FASN: variants seen among roughly 807,000 people sequenced by gnomAD.
FASN encodes fatty acid synthase.
Under a neutral mutation model 250.0 loss-of-function variants are expected in FASN, and 50 were observed. That is an observed-to-expected ratio of 0.20 (90% confidence interval 0.16 to 0.25). FASN has a LOEUF of 0.25. Among genes scored for constraint, FASN ranks in the 10% least tolerant of loss-of-function variants. The probability of loss-of-function intolerance (pLI) is 1.00; values close to 1 mark genes in which losing one functional copy is unlikely to be tolerated. For missense variants in FASN, 3,031 were observed against 3,498.5 expected, an observed-to-expected ratio of 0.87 and a Z score of 3.37; for synonymous variants, 1,909 against 1,584.0, an observed-to-expected ratio of 1.21 and a Z score of -4.87.
At chr17:82,093,116 G>C in intron 5 of FASN, 97 bp from the exon 6 acceptor site, 1 of 1,562,924 alleles carries the variant, frequency 6.4e-7, no homozygotes, top group Non-Finnish European at 8.7e-7. Flanking sequence ...GCTTGGGTGG[G>C]GGATCCCCGG....
At position 82,089,365 on chromosome 17, in the gene FASN, A is replaced by G. The variant is rs1355542542; in HGVS notation, c.1985T>C (p.Val662Ala). The change falls in exon 13 of 43, where the codon GTG becomes GCG. Residue 662 changes from valine to alanine, a missense_variant. Transcript: ENST00000306749. ...SGPQAPVFEF[V>A]EQLRKEGVFA... ...CACACCCTCCTTCCTCAGCTGCTCC[A>G]CGAACTCAAACACCGGGGCCTGGAC... The G allele has an allele frequency of 6.2e-7, 1 of 1,612,648 alleles. No individual in the cohort carries two copies. Among genetic ancestry groups the G allele is most frequent in the African/African-American group, 1.3e-5 (1 of 74,900 alleles).
In FASN at chr17:82,079,167, T is replaced by C; in HGVS notation, c.7512A>G (p.Pro2504=). ...CCTAGCCCTCCCGCACGCTCACGCG[T>C]GGCTCAGCCAGGGAGCTGTGGATGA... ...ISIIHSSLAE[P]RVSVREG Residue 2504 remains proline, a synonymous_variant, in exon 43 of 43, where the codon CCA becomes CCG. Transcript: ENST00000306749. 2 of 1,612,584 alleles carry C rather than the reference T, an allele frequency of 1.2e-6. No homozygotes were observed. Among genetic ancestry groups the C allele is most frequent in the South Asian group, 1.1e-5 (1 of 91,086 alleles).
At position 82,080,083 on chromosome 17, in the gene FASN, C is replaced by G. The variant is rs1254967440; in HGVS notation, c.7146+57G>C. 6.4e-6 allele frequency: 10 copies of G among 1,553,822 alleles called. No homozygotes were observed. The African/African-American group carries it at 6.8e-5, about 11-fold the overall frequency. ...GTCCCATCCCATCCTTCCCTTCCCC[C>G]TTCCGTTCCTGCCCAGTACTCTGGG... On this transcript the variant is annotated intron_variant, in intron 41 of 42. Transcript: ENST00000306749.
In FASN at chr17:82,091,204, G is replaced by A. The variant is rs780230434; in HGVS notation, c.1492+18C>T. ...TCCCCAGGGAAGGGACCACCTTGGG[G>A]GCAGAGTGTGGGCTCACCAGAGCAG... On this transcript the variant is annotated intron_variant, in intron 9 of 42. Coordinates refer to ENST00000306749, the MANE Select transcript of FASN (RefSeq NM_004104.5). 4.4e-6 allele frequency: 7 copies of A among 1,601,174 alleles called. No homozygotes were observed. Among genetic ancestry groups the A allele is most frequent in the South Asian group, 2.2e-5 (2 of 90,386 alleles).
chr17:82,079,240 T>C lies in FASN; in HGVS notation c.7439A>G (p.Asp2480Gly). ...GCTGCCCTCCAGCAGCGTGCGGTGG[T>C]CACCCTCGATGACGTGGACGGATAC... ...GKVSVHVIEG[D>G]HRTLLEGSGL... is the part of the protein sequence containing the mutation. The change falls in exon 43 of 43, where the codon GAC becomes GGC. Residue 2480 changes from aspartate (D) to glycine (G), a missense_variant. Asp to Gly is a moderately conservative substitution (Grantham distance 94). Transcript: ENST00000306749. 6.2e-7 allele frequency: 1 copy of C among 1,613,026 alleles called. No individual in the cohort carries two copies. The highest frequency in any genetic ancestry group is 8.5e-7 in the Non-Finnish European group (1 of 1,179,964).
chr17:82,082,852 G>A (rs953986061), intron 33 of FASN, 62 bp downstream of exon 33: 34 of 1,591,298 alleles, frequency 2.1e-5, no homozygotes, highest in Middle Eastern at 1.7e-4. Context: ...TGCAGAGAAG[G>A]GCTCAGGGGC....
intron 1 of FASN, 95 bp downstream of exon 1, chr17:82,098,026 C>CGAGAGCG: frequency 3.2e-6 from 1 of 311,848 alleles, no homozygotes; most frequent in East Asian, 5.0e-5. Context: ...ACGCGCGCCC[C>CGAGAGCG]GAGAGCGGAG....
chr17:82,095,001 G>C (rs906322596), intron 3 of FASN, among the ~76,000 whole-genome samples: 3 of 151,826 alleles, frequency 2.0e-5, no homozygotes, highest in Non-Finnish European at 4.4e-5. Context: ...GGGCCTGGAG[G>C]GCCCCTCAAG....
Position 82,083,612 on chromosome 17 carries a change from G to A in FASN, c.5246C>T (p.Ala1749Val), listed in dbSNP as rs1249748778. 8 of 1,610,532 alleles carry A rather than the reference G, an allele frequency of 5.0e-6. No individual in the cohort carries two copies. Among genetic ancestry groups the A allele is most frequent in the East Asian group, 2.2e-5 (1 of 44,804 alleles). The part of the protein sequence containing the change: ...KGVDLVLNSL[A>V]EEKLQASVRC... ...CACGCTGGCCTGCAGCTTCTCTTCC[G>A]CCAAGGAGTTCAAGACCAGGTCAAC... Residue 1749 changes from alanine to valine, a missense_variant, in exon 31 of 43, where the codon GCG becomes GTG. By Grantham distance (64) the Ala-to-Val change is moderately conservative. Coordinates refer to ENST00000306749, the MANE Select transcript of FASN (RefSeq NM_004104.5).
At position 82,078,902 on chromosome 17, in the gene FASN, A is replaced by G; in HGVS notation, c.*241T>C. 1 of 591,062 alleles carries G rather than the reference A, an allele frequency of 1.7e-6. No homozygotes were observed. 36.6% of individuals were successfully genotyped at this position (591,062 alleles called of 1,614,324 possible). On this transcript the variant is annotated 3_prime_UTR_variant, in exon 43 of 43. Transcript: ENST00000306749. The surrounding 1 kb of genome is among the most constrained non-coding windows in gnomAD (Gnocchi z 5.4). ...CCCAGTTCCTGCGGGCACGGGCACC[A>G]CCGGCTCTTCACAGACCAGGAGTCT...
In FASN at chr17:82,095,305, G is replaced by A. The variant is rs757508760; in HGVS notation, c.280+15C>T. 7 of 1,612,620 alleles carry A rather than the reference G, an allele frequency of 4.3e-6. No homozygotes were observed. The highest frequency in any genetic ancestry group is 2.2e-5 in the East Asian group (1 of 44,884). On this transcript the variant is annotated intron_variant, in intron 3 of 42. Coordinates refer to ENST00000306749, the MANE Select transcript of FASN (RefSeq NM_004104.5). ...CAGGAGCCCTCGGCGCAGCAGTCGC[G>A]AATGCCCGACCCACCTCCGTCCACG...
At chr17:82,087,648 C>T (rs2034128989) in intron 19 of FASN, 37 bp downstream of exon 19, 1 of 1,607,590 alleles carries the variant, frequency 6.2e-7, no homozygotes, top group African/African-American at 1.3e-5. Context: ...CGACCGCCCT[C>T]CCCGGTGGCT....
Position 82,084,304 on chromosome 17 carries a change from C to T in FASN, c.4849G>A (p.Val1617Met), listed in dbSNP as rs2034047191. 1.2e-6 allele frequency: 2 copies of T among 1,610,968 alleles called. No individual in the cohort carries two copies. Among genetic ancestry groups the T allele is most frequent in the Non-Finnish European group, 1.7e-6 (2 of 1,179,216 alleles). ...DASGKRVMGL[V>M]PAKGLATSVL... is the part of the protein sequence containing the mutation. ...GAGGTGGCCAGGCCCTTGGCAGGCA[C>T]CAGTCCCATCACACGCTTGCCGCTG... is the stretch of plus-strand genomic sequence containing the variant. The change falls in exon 28 of 43, where the codon GTG becomes ATG. Residue 1617 changes from valine (V) to methionine (M), a missense_variant. By Grantham distance (21) the Val-to-Met change is conservative. Coordinates refer to ENST00000306749, the MANE Select transcript of FASN (RefSeq NM_004104.5).
chr17:82,082,664 G>T lies in FASN; in HGVS notation c.5782C>A (p.Gln1928Lys). The change falls in exon 34 of 43, where the codon CAG (glutamine) becomes AAG (lysine). Residue 1928 changes from glutamine to lysine, a missense_variant. By Grantham distance (53) the Gln-to-Lys change is moderately conservative. Transcript: ENST00000306749. ...SGIRTGYQAK[Q>K]VRRWRRQGVQ... Reference sequence around the variant, plus strand: ...CCCTGGCGCCTCCACCGGCGGACCTGCTTGGCCTGGTAGCCTGCGGGACAC... The same window carrying T: ...CCCTGGCGCCTCCACCGGCGGACCTTCTTGGCCTGGTAGCCTGCGGGACAC... 6.2e-7 allele frequency: 1 copy of T among 1,609,472 alleles called. No homozygotes were observed. Among genetic ancestry groups the T allele is most frequent in the South Asian group, 1.1e-5 (1 of 91,082 alleles).
intron 1 of FASN, among the ~76,000 whole-genome samples, 173 bp from the exon 2 acceptor site, chr17:82,096,625 C>G (rs1317948731): frequency 6.6e-6 from 1 of 152,264 alleles, no homozygotes. Context: ...TGGGCCCTGA[C>G]CCCGCTCTCG....
At chr17:82,082,471 G>T in intron 34 of FASN, 56 bp downstream of exon 34, 1 of 1,611,662 alleles carries the variant, frequency 6.2e-7, no homozygotes, top group Non-Finnish European at 8.5e-7. Flanking sequence ...CGTCCACCCA[G>T]GGTCCCCCCC....
At chr17:82,096,203 G>A (rs1487548586) in intron 2 of FASN, 116 bp downstream of exon 2, 17 of 1,524,286 alleles carry the variant, frequency 1.1e-5, no homozygotes, top group Middle Eastern at 1.7e-4. Context: ...AGCTGGGACC[G>A]GCCTCAGGCC....
chr17:82,081,701 G>A lies in FASN; in HGVS notation c.6306C>T (p.Pro2102=). The part of the protein sequence containing the change: ...LEVLDLFLNQ[P]HMVLSSFVLA... ...GCACAAAGCTGCTCAGGACCATGTG[G>A]GGCTGGTTCAGGAAGAGGTCCAGCA... Residue 2102 remains proline (P), a synonymous_variant, in exon 37 of 43, where the codon CCC becomes CCT. Transcript: ENST00000306749. The A allele has an allele frequency of 6.2e-7, 1 of 1,612,742 alleles. No homozygotes were observed. The highest frequency in any genetic ancestry group is 8.5e-7 in the Non-Finnish European group (1 of 1,179,994).
In FASN at chr17:82,083,794, C is replaced by T. The variant is rs150861300; in HGVS notation, c.5196G>A (p.Val1732=). Residue 1732 remains valine, a synonymous_variant, in exon 30 of 43, where the codon GTG becomes GTA. Coordinates refer to ENST00000306749, the MANE Select transcript of FASN (RefSeq NM_004104.5). ...CACCCTTCCCGCCCGTGTGCCACAG[C>T]ACATGCTGCTCGAAGGATGTGTCCC... is the stretch of plus-strand genomic sequence containing the variant. The part of the protein sequence containing the change: ...NSRDTSFEQH[V]LWHTGGKGVD... 2.4e-4 allele frequency: 389 copies of T among 1,611,212 alleles called. No individual in the cohort carries two copies. Among genetic ancestry groups the T allele is most frequent in the Non-Finnish European group, 3.0e-4 (351 of 1,179,602 alleles).
Sources: allele counts gnomAD v4.1 joint callset (sites outside exome capture counted in the v4.1 genomes callset), GRCh38; gene constraint gnomAD v4.1.1; non-coding constraint Gnocchi (gnomAD v3.1); transcripts MANE v1.5; gene names NCBI Gene and HGNC (gene_info 2026-07-23, HGNC 2026-07-21).